The following MAPK6 variants were observed in gnomAD, a reference collection of about 807,000 sequenced individuals.
MAPK6 encodes ERK-3.
In MAPK6, 19 loss-of-function variants were observed where a neutral mutation model predicts 59.3. The observed-to-expected ratio is 0.32, with a 90% CI of 0.22 to 0.47. The LOEUF is 0.47. MAPK6 is among the 20% of genes least tolerant of loss of function. The probability of loss-of-function intolerance (pLI) is 1.00; values close to 1 mark genes in which losing one functional copy is unlikely to be tolerated. For missense variants in MAPK6, 724 were observed against 847.9 expected (o/e 0.85, Z 1.81); for synonymous variants, 316 against 290.3 (o/e 1.09, Z -0.90).
At chr15:52,024,785 T>A (rs2030692895) in intron 1 of MAPK6, 2 of 151,658 alleles carry the variant, frequency 1.3e-5, no homozygotes, top group African/African-American at 4.9e-5. Flanking sequence ...TGTAGTGGTG[T>A]GATCATAACG....
intron 2 of MAPK6, among the ~76,000 whole-genome samples, chr15:52,047,235 A>C (rs1227041631): frequency 1.3e-5 from 2 of 152,210 alleles, no homozygotes; most frequent in African/African-American, 4.8e-5. Context: ...ATGAAATTTT[A>C]AAGTGTATGG....
chr15:51,985,659 A>G (rs1163031770), intron 2 of MAPK6, among the ~76,000 whole-genome samples: 2 of 151,352 alleles, frequency 1.3e-5, no homozygotes, highest in Admixed American at 1.3e-4. Context: ...TCTCAAAAAA[A>G]CAAAAAACAA....
At chr15:52,026,387 G>A (rs1566903434) in intron 1 of MAPK6, among the ~76,000 whole-genome samples, 1 of 152,136 alleles carries the variant, frequency 6.6e-6, no homozygotes, top group African/African-American at 2.4e-5. Flanking sequence ...CGCCTCCTGG[G>A]TTCAAGTGAT....
At chr15:52,063,316 G>A (rs979983964) in intron 5 of MAPK6, among the ~76,000 whole-genome samples, 2 of 152,166 alleles carry the variant, frequency 1.3e-5, no homozygotes, top group African/African-American at 2.4e-5. Flanking sequence ...ATCCACCTTG[G>A]CCTTCTTGAA....
intron 1 of MAPK6, among the ~76,000 whole-genome samples, chr15:51,981,239 C>T (rs902566563): frequency 6.6e-6 from 1 of 151,420 alleles, no homozygotes; most frequent in African/African-American, 2.4e-5. Context: ...TTTGGGAGGC[C>T]GAGGCCAGCG....
chr15:52,040,961 A>C (rs1233032611), intron 1 of MAPK6, among the ~76,000 whole-genome samples: 5 of 152,216 alleles, frequency 3.3e-5, no homozygotes, highest in Non-Finnish European at 5.9e-5. Flanking sequence ...AAACAAAACA[A>C]TATCGAACCA....
intron 1 of MAPK6, among the ~76,000 whole-genome samples, chr15:52,023,608 T>C (rs2030631655): frequency 6.6e-6 from 1 of 152,194 alleles, no homozygotes; most frequent in Admixed American, 6.5e-5. Flanking sequence ...AAGAGTTTTT[T>C]TGTTTGTTTG....
intron 2 of MAPK6, among the ~76,000 whole-genome samples, chr15:51,999,706 C>T (rs960761764): frequency 6.6e-5 from 10 of 152,048 alleles, no homozygotes; most frequent in African/African-American, 2.4e-4. Context: ...TGCAGTGGTG[C>T]GAACACAGCT....
At chr15:51,976,868 C>T (rs972264775) in intron 1 of MAPK6, among the ~76,000 whole-genome samples, 7 of 151,704 alleles carry the variant, frequency 4.6e-5, no homozygotes, top group Admixed American at 1.3e-4. Context: ...CGCTTCAACC[C>T]GGGAGGCGGA....
At chr15:52,033,484 TC>T (rs2031120479) in intron 1 of MAPK6, among the ~76,000 whole-genome samples, 1 of 152,184 alleles carries the variant, frequency 6.6e-6, no homozygotes, top group Non-Finnish European at 1.5e-5. Context: ...AACATCAGAC[TC>T]CAGATTGTTT....
chr15:52,027,534 C>T (rs1208895723), intron 1 of MAPK6: 1 of 150,888 alleles, frequency 6.6e-6, no homozygotes, highest in Non-Finnish European at 1.5e-5. Context: ...TAATTTCATG[C>T]CTTGCTTTGT....
intron 1 of MAPK6, among the ~76,000 whole-genome samples, chr15:52,043,742 ATTTTTTTTTTTTTTTTT>A (rs71130125): frequency 4.7e-4 from 19 of 40,656 alleles, no homozygotes; most frequent in Admixed American, 1.2e-3. Flanking sequence ...AAGTTGTTTG[ATTTTTTTTTTTTTTTTT>A]TTTTTTTTTT....
At chr15:52,026,322 G>A (rs991429151) in intron 1 of MAPK6, among the ~76,000 whole-genome samples, 1 of 152,072 alleles carries the variant, frequency 6.6e-6, no homozygotes, top group Non-Finnish European at 1.5e-5. Context: ...ACGGAGTTTT[G>A]CTCTTATTGT....
intron 2 of MAPK6, among the ~76,000 whole-genome samples, chr15:51,990,854 T>C (rs1285654779): frequency 6.6e-6 from 1 of 152,150 alleles, no homozygotes; most frequent in Non-Finnish European, 1.5e-5. Context: ...CTCGGGAGGC[T>C]GAGGCGGGAG....
At position 52,047,301 on chromosome 15, in the gene MAPK6, C is replaced by T. The variant is rs375926755; in HGVS notation, c.555+286C>T. Among the ~76,000 whole-genome samples the T allele has an allele frequency of 3.0e-4, 45 of 152,234 alleles. 5 individuals carry two copies. Among genetic ancestry groups the T allele is most frequent in the South Asian group, 1.9e-3 (9 of 4,824 alleles). ...TTATTTAAAAGTGGAATATACTCTT[C>T]TTTCTTTGGGACAGAATTGTGGTAA... On this transcript the variant is annotated intron_variant, in intron 2 of 5. Transcript: ENST00000261845.
chr15:52,005,974 C>T (rs959765289), intron 3 of MAPK6, among the ~76,000 whole-genome samples: 1 of 152,132 alleles, frequency 6.6e-6, no homozygotes, highest in African/African-American at 2.4e-5. Flanking sequence ...AACTACCAAG[C>T]AGATGGATCT....
intron 2 of MAPK6, among the ~76,000 whole-genome samples, chr15:51,999,207 G>C (rs796203167): frequency 6.6e-6 from 1 of 150,820 alleles, no homozygotes; most frequent in African/African-American, 2.4e-5. Context: ...CATGTTGGCC[G>C]GGCTGGTCTT....
chr15:52,014,734 G>T (rs2030185809), upstream of MAPK6, among the ~76,000 whole-genome samples: 1 of 146,386 alleles, frequency 6.8e-6, no homozygotes, highest in South Asian at 2.1e-4. Flanking sequence ...GTAGCAATGA[G>T]GTATTTTGAT....
At chr15:52,019,937 C>G (rs1473704875) in intron 1 of MAPK6, 1 of 153,028 alleles carries the variant, frequency 6.5e-6, no homozygotes, top group East Asian at 1.9e-4. Flanking sequence ...CTGACTCCGG[C>G]CGGGCAAAGT....
Sources: gnomAD v4.1 joint callset for allele counts (sites outside exome capture counted in the v4.1 genomes callset) on GRCh38, gnomAD v4.1.1 for gene constraint, MANE v1.5 for transcripts, NCBI Gene and HGNC (gene_info 2026-07-23, HGNC 2026-07-21) for gene names.